The following ABCC5 variants were observed in gnomAD, a reference collection of about 807,000 sequenced individuals.
ABCC5 encodes ATP binding cassette subfamily C member 5.
In ABCC5, 61 loss-of-function variants were observed where a neutral mutation model predicts 160.9. The observed-to-expected ratio is 0.38, with a 90% confidence interval of 0.31 to 0.47. ABCC5 has a LOEUF of 0.47. ABCC5 is among the 20% of genes least tolerant of loss of function. The probability of loss-of-function intolerance (pLI) is 0.99; values close to 1 mark genes in which losing one functional copy is unlikely to be tolerated. For missense variants in ABCC5, 1,308 were observed against 1,813.3 expected (o/e 0.72, Z 5.06); for synonymous variants, 666 against 700.6 (o/e 0.95, Z 0.78).
chr3:183,989,441 A>G, intron 2 of ABCC5, 58 bp from the exon 3 acceptor site: 1 of 1,573,774 alleles, frequency 6.4e-7, no homozygotes, highest in Non-Finnish European at 8.7e-7. Context: ...GCGAGAGGCA[A>G]ACGGAACTGA....
chr3:183,959,630 T>C (rs1716541912), intron 17 of ABCC5, 103 bp downstream of exon 17: 1 of 877,378 alleles, frequency 1.1e-6, no homozygotes, highest in Non-Finnish European at 1.8e-6. Flanking sequence ...CAAGTATTTA[T>C]ATTGTACACA....
intron 17 of ABCC5, among the ~76,000 whole-genome samples, chr3:183,954,314 A>C (rs1715666647): frequency 6.6e-6 from 1 of 152,006 alleles, no homozygotes; most frequent in Non-Finnish European, 1.5e-5. Context: ...ACGCCTGGCT[A>C]ATTTTTGTAT....
At chr3:184,003,020 C>T (rs544737152) in intron 2 of ABCC5, among the ~76,000 whole-genome samples, 31 of 152,258 alleles carry the variant, frequency 2.0e-4, no homozygotes, top group African/African-American at 5.5e-4. Flanking sequence ...TTCCTCTCCT[C>T]TCCTCATTCA....
Position 183,947,468 on chromosome 3 carries a change from C to CAAAAAAAAAA in ABCC5, c.3269_3270insTTTTTTTTTT (p.Leu1090PhefsTer66). 1 of 1,582,128 alleles carries CAAAAAAAAAA rather than the reference C, an allele frequency of 6.3e-7. No individual in the cohort carries two copies. Among genetic ancestry groups the CAAAAAAAAAA allele is most frequent in the Admixed American group, 1.8e-5 (1 of 55,298 alleles). ...CCAGCCACCGCATCGCACACGTAAA[C>CAAAAAAAAAA]AAAAAAAAAGGAGCTTGGTTGTCAT... On this transcript the variant is annotated frameshift_variant, in exon 23 of 30. Transcript: ENST00000334444. LOFTEE classifies it high-confidence loss of function.
intron 27 of ABCC5, among the ~76,000 whole-genome samples, chr3:183,928,109 T>A (rs560760320): frequency 2.0e-3 from 276 of 136,598 alleles, no homozygotes; most frequent in African/African-American, 7.3e-3. Context: ...ATATGTTATG[T>A]ATCTTTTTTT....
intron 12 of ABCC5, among the ~76,000 whole-genome samples, chr3:183,967,094 C>T (rs545631987): frequency 1.3e-5 from 2 of 151,548 alleles, no homozygotes; most frequent in Non-Finnish European, 1.5e-5. Flanking sequence ...CCCATCCTGT[C>T]CCTCACTCTC....
rs376139906 is a variant in ABCC5 at position 183,994,616 on chromosome 3, C to T, written c.130-5233G>A. On this transcript the variant is annotated intron_variant, in intron 2 of 29. Transcript: ENST00000334444. The stretch of plus-strand genomic sequence containing the variant: ...GTCTCGAACTCCTAACCTAGTGATC[C>T]GCCTGCCTTGGGCTCCCAAAGTGCT... Among the ~76,000 whole-genome samples, 11 of 152,160 alleles carry T rather than the reference C, an allele frequency of 7.2e-5. No individual in the cohort carries two copies. The East Asian group carries it at 1.3e-3, about 19-fold the overall frequency.
Position 183,982,853 on chromosome 3 carries a change from C to T in ABCC5, c.746G>A (p.Arg249His), listed in dbSNP as rs756590173. The T allele has an allele frequency of 1.9e-6, 3 of 1,614,206 alleles. No individual in the cohort carries two copies. Among genetic ancestry groups the T allele is most frequent in the South Asian group, 2.2e-5 (2 of 91,086 alleles). ...CATGGTTAGGATGGCCCCCCGCAAG[C>T]GGACACCGGTTCGGTAATTCAATGC... is the stretch of plus-strand genomic sequence containing the variant. The part of the protein sequence containing the change: ...TWALNYRTGV[R>H]LRGAILTMAF... Residue 249 changes from arginine to histidine, a missense_variant, in exon 6 of 30, where the codon CGC becomes CAC. Arg to His is a conservative substitution (Grantham distance 29). This residue lies in a region of ABCC5 where 1,142 missense variants were observed against 1,527.1 expected (regional missense o/e 0.75). Coordinates refer to ENST00000334444, the MANE Select transcript of ABCC5 (RefSeq NM_005688.4). The surrounding 1 kb of genome is among the most constrained non-coding windows in gnomAD (Gnocchi z 5.2).
intron 5 of ABCC5, chr3:183,984,253 T>G: frequency 2.0e-6 from 2 of 985,982 alleles, no homozygotes; most frequent in South Asian, 4.7e-5. Flanking sequence ...CTGGGTCTTT[T>G]CAAGTCCTTG....
intron 2 of ABCC5, among the ~76,000 whole-genome samples, chr3:183,992,936 T>C (rs951029819): frequency 2.0e-5 from 3 of 152,246 alleles, no homozygotes; most frequent in African/African-American, 7.2e-5. Context: ...AGATATTAAG[T>C]AGGTACTCCT....
At chr3:184,001,482 T>C (rs1388747061) in intron 2 of ABCC5, among the ~76,000 whole-genome samples, 1 of 152,182 alleles carries the variant, frequency 6.6e-6, no homozygotes, top group Non-Finnish European at 1.5e-5. Context: ...AATAGTACTG[T>C]GTCGCACGGT....
In ABCC5 at chr3:183,957,480, A is replaced by G. The variant is rs1417821036; in HGVS notation, c.2482+2253T>C. 2.8e-4 allele frequency among the ~76,000 whole-genome samples: 33 copies of G among 117,080 alleles called. 1 individual carries two copies. Among genetic ancestry groups the G allele is most frequent in the South Asian group, 1.7e-3 (6 of 3,440 alleles). The allele number at this position is 117,080 out of a possible 152,430, so 76.8% of individuals were successfully genotyped here. A position where few individuals can be genotyped will look rare whatever the true frequency, so the allele number is the denominator to read the frequency against. ...TGCGGATCCGTGTGTATATGACATC[A>G]GTTACATGCGGATCCGTGTGTAAAT... On this transcript the variant is annotated intron_variant, in intron 17 of 29. Transcript: ENST00000334444.
At chr3:184,008,394 C>T (rs1721413487) in intron 2 of ABCC5, among the ~76,000 whole-genome samples, 1 of 152,170 alleles carries the variant, frequency 6.6e-6, no homozygotes, top group South Asian at 2.1e-4. Context: ...TGTTTAGGAG[C>T]AGCCTAGGTA....
At chr3:183,930,102 T>C (rs1713032616) in intron 26 of ABCC5, among the ~76,000 whole-genome samples, 1 of 152,240 alleles carries the variant, frequency 6.6e-6, no homozygotes, top group Admixed American at 6.5e-5. Context: ...GCTTTGCTCA[T>C]AAAATTATGC....
At chr3:183,962,315 T>C (rs1716827682) in intron 15 of ABCC5, among the ~76,000 whole-genome samples, 2 of 152,086 alleles carry the variant, frequency 1.3e-5, no homozygotes, top group African/African-American at 4.8e-5. Context: ...AATGGTTGTG[T>C]GGAAACCATC....
chr3:183,952,577 C>G (rs1029881800), intron 18 of ABCC5, among the ~76,000 whole-genome samples: 1 of 152,140 alleles, frequency 6.6e-6, no homozygotes, highest in Admixed American at 6.5e-5. Context: ...GTGGATTCCC[C>G]CATGCTATTC....
At chr3:183,977,757 A>ATTT in intron 9 of ABCC5, 133 bp from the exon 10 acceptor site, 5 of 490,342 alleles carry the variant, frequency 1.0e-5, no homozygotes, top group Non-Finnish European at 1.8e-5. Flanking sequence ...AGTCAATTAC[A>ATTT]TTTTTTTTTT....
intron 2 of ABCC5, among the ~76,000 whole-genome samples, chr3:183,996,660 G>C (rs1720311560): frequency 6.6e-6 from 1 of 152,130 alleles, no homozygotes; most frequent in Admixed American, 6.6e-5. Flanking sequence ...GCTGCCTTTG[G>C]TTTTAGAACA....
chr3:183,985,093 C>T (rs1719089467), intron 5 of ABCC5: 1 of 657,702 alleles, frequency 1.5e-6, no homozygotes, highest in Non-Finnish European at 2.6e-6. Context: ...GAAGTTCCAA[C>T]ACATCGGGTT....
Sources: allele counts gnomAD v4.1 joint callset (sites outside exome capture counted in the v4.1 genomes callset), GRCh38; gene constraint gnomAD v4.1.1; regional missense constraint gnomAD v4.1.1; non-coding constraint Gnocchi (gnomAD v3.1); transcripts MANE v1.5; gene names NCBI Gene and HGNC (gene_info 2026-07-23, HGNC 2026-07-21).